Variants in CCNY observed in about 807,000 individuals in gnomAD.
CCNY encodes the protein cyclin Y.
Under a neutral mutation model 42.8 loss-of-function variants are expected in CCNY, and 19 were observed. The observed-to-expected ratio is 0.44, with a 90% CI of 0.31 to 0.65. CCNY has a LOEUF of 0.65. Ranked by LOEUF, CCNY falls within the 30% of genes least tolerant of loss-of-function variation. The probability of loss-of-function intolerance (pLI) is 0.07; values close to 1 mark genes in which losing one functional copy is unlikely to be tolerated. For missense variants in CCNY, 370 were observed against 437.3 expected, an observed-to-expected ratio of 0.85 and a Z score of 1.37; for synonymous variants, 165 against 162.7, an observed-to-expected ratio of 1.01 and a Z score of -0.11.
At chr10:35,377,362 C>G (rs1837076711) in intron 1 of CCNY, among the ~76,000 whole-genome samples, 1 of 152,024 alleles carries the variant, frequency 6.6e-6, no homozygotes, top group African/African-American at 2.4e-5. Flanking sequence ...TTTACTGTAC[C>G]TTTTCTATAT....
intron 3 of CCNY, among the ~76,000 whole-genome samples, chr10:35,277,222 C>A (rs1030874707): frequency 6.6e-5 from 10 of 152,172 alleles, no homozygotes; most frequent in Non-Finnish European, 1.2e-4. Flanking sequence ...AGGGTTGCAA[C>A]CTTCATCTTG....
At chr10:35,403,113 G>C (rs1837678965) in intron 1 of CCNY, among the ~76,000 whole-genome samples, 1 of 141,442 alleles carries the variant, frequency 7.1e-6, no homozygotes, top group Non-Finnish European at 1.5e-5. Context: ...TGAGCTTGAT[G>C]TGTAGGGAAG....
At chr10:35,453,100 C>G (rs1386770796) in intron 1 of CCNY, among the ~76,000 whole-genome samples, 1 of 152,180 alleles carries the variant, frequency 6.6e-6, no homozygotes, top group Non-Finnish European at 1.5e-5. Context: ...TCAGCCACAG[C>G]GTCCAACTAA....
intron 4 of CCNY, among the ~76,000 whole-genome samples, chr10:35,524,533 C>A (rs565149877): frequency 6.6e-5 from 10 of 152,258 alleles, no homozygotes; most frequent in African/African-American, 2.4e-4. Context: ...GCTGAGTAAG[C>A]GGAAATGTTC....
At chr10:35,386,707 A>T (rs954196142) in intron 1 of CCNY, among the ~76,000 whole-genome samples, 10 of 152,146 alleles carry the variant, frequency 6.6e-5, no homozygotes, top group Admixed American at 3.3e-4. Flanking sequence ...GTTTTCTGGG[A>T]ACTAATCTTC....
At chr10:35,451,704 T>C (rs1838921363) in intron 1 of CCNY, among the ~76,000 whole-genome samples, 1 of 152,234 alleles carries the variant, frequency 6.6e-6, no homozygotes, top group South Asian at 2.1e-4. Flanking sequence ...TCCCCCATAG[T>C]GCCTGGGCCA....
chr10:35,339,343 A>G (rs1225849811), intron 1 of CCNY, among the ~76,000 whole-genome samples: 8 of 152,160 alleles, frequency 5.3e-5, no homozygotes, highest in Admixed American at 5.2e-4. Flanking sequence ...TGGAAGTGTT[A>G]CCTGCCGTTC....
chr10:35,527,980 G>A (rs1330237556), intron 5 of CCNY, among the ~76,000 whole-genome samples: 4 of 152,088 alleles, frequency 2.6e-5, no homozygotes, highest in Non-Finnish European at 5.9e-5. Flanking sequence ...GTCTTAGCTC[G>A]AGCTCTTAAT....
chr10:35,256,686 G>C (rs1418793142), intron 3 of CCNY, among the ~76,000 whole-genome samples: 2 of 151,296 alleles, frequency 1.3e-5, no homozygotes, highest in East Asian at 1.9e-4. Context: ...AGCTGAGATC[G>C]TGCCACTGAA....
chr10:35,566,334 T>C, intron 9 of CCNY, 149 bp downstream of exon 9: 1 of 819,110 alleles, frequency 1.2e-6, no homozygotes. Flanking sequence ...GGGCAGTTGA[T>C]TATGATTTGT....
Position 35,448,280 on chromosome 10 carries a change from C to G in CCNY, c.155-35124C>G, listed in dbSNP as rs892421827. Among the ~76,000 whole-genome samples, 4 of 152,012 alleles carry G rather than the reference C, an allele frequency of 2.6e-5. No homozygotes were observed. The East Asian group carries it at 7.7e-4, about 29-fold the overall frequency. Reference sequence around the variant, plus strand: ...CAGGGCAGTCACGAACAAAGCAGACCGGAGAGAAAACAAAGCAGGAAGTTA... The same window carrying G: ...CAGGGCAGTCACGAACAAAGCAGACGGGAGAGAAAACAAAGCAGGAAGTTA... On this transcript the variant is annotated intron_variant, in intron 1 of 9. Coordinates refer to ENST00000374704, the MANE Select transcript of CCNY (RefSeq NM_145012.6).
At chr10:35,505,529 GT>G (rs1380516347) in intron 3 of CCNY, among the ~76,000 whole-genome samples, 1 of 152,170 alleles carries the variant, frequency 6.6e-6, no homozygotes, top group African/African-American at 2.4e-5. Flanking sequence ...ATTATTATTA[GT>G]GGGACTTGGA....
At chr10:35,549,164 C>T (rs928366584) in intron 7 of CCNY, among the ~76,000 whole-genome samples, 1 of 135,996 alleles carries the variant, frequency 7.4e-6, no homozygotes, top group African/African-American at 2.7e-5. Context: ...AAGAGTCTGA[C>T]CTGCCCCTCC....
At chr10:35,437,593 A>G (rs1481953486) in intron 1 of CCNY, among the ~76,000 whole-genome samples, 2 of 151,424 alleles carry the variant, frequency 1.3e-5, no homozygotes, top group Non-Finnish European at 3.0e-5. Flanking sequence ...GGCAGAGGTT[A>G]CAGTGAGCCG....
At chr10:35,424,394 G>A (rs932306770) in intron 1 of CCNY, among the ~76,000 whole-genome samples, 11 of 151,952 alleles carry the variant, frequency 7.2e-5, no homozygotes, top group Non-Finnish European at 1.5e-4. Context: ...ACCTGGCTAA[G>A]TTTATATTTT....
At chr10:35,263,783 A>G (rs991863311) in intron 3 of CCNY, among the ~76,000 whole-genome samples, 1 of 152,162 alleles carries the variant, frequency 6.6e-6, no homozygotes, top group Non-Finnish European at 1.5e-5. Flanking sequence ...AGATCATCCC[A>G]TGGCCTAGGT....
intron 3 of CCNY, among the ~76,000 whole-genome samples, chr10:35,268,855 G>A (rs1053218531): frequency 1.3e-5 from 2 of 152,240 alleles, no homozygotes; most frequent in African/African-American, 2.4e-5. Flanking sequence ...AATGCGGGGA[G>A]GCAGCAAGCC....
intron 3 of CCNY, among the ~76,000 whole-genome samples, chr10:35,502,974 A>G (rs529793907): frequency 6.6e-6 from 1 of 152,186 alleles, no homozygotes; most frequent in Admixed American, 6.5e-5. Flanking sequence ...TGGAAGGTGC[A>G]TTGAAGAAAG....
Position 35,553,056 on chromosome 10 carries a change from A to C in CCNY, c.617A>C (p.Asp206Ala). The C allele has an allele frequency of 6.2e-7, 1 of 1,614,192 alleles. No individual in the cohort carries two copies. The highest frequency in any genetic ancestry group is 8.5e-7 in the Non-Finnish European group (1 of 1,180,026). ...LERLLTYAEIDICPANWKRIV... is the reference protein window; with the variant it reads ...LERLLTYAEIAICPANWKRIV... ...AGACTTTTAACATACGCAGAGATAG[A>C]TATCTGTCCGGCCAACTGGAAGCGG... Residue 206 changes from aspartate to alanine, a missense_variant, in exon 8 of 10, where the codon GAT (aspartate) becomes GCT (alanine). By Grantham distance (126) the Asp-to-Ala change is moderately radical. This residue lies in a region of CCNY where 234 missense variants were observed against 313.1 expected (regional missense o/e 0.75). Transcript: ENST00000374704.
Sources: gnomAD v4.1 joint callset for allele counts (sites outside exome capture counted in the v4.1 genomes callset) on GRCh38, gnomAD v4.1.1 for gene constraint, gnomAD v4.1.1 regional missense constraint, MANE v1.5 for transcripts, NCBI Gene and HGNC (gene_info 2026-07-23, HGNC 2026-07-21) for gene names.